The following FGF14 variants were observed in gnomAD, a reference collection of about 807,000 sequenced individuals.
The protein encoded by FGF14 is fibroblast growth factor 14, also known as fibroblast growth factor homologous factor 4.
In FGF14, 5 loss-of-function variants were observed where a neutral mutation model predicts 25.5. The observed-to-expected ratio is 0.20, with a 90% CI of 0.10 to 0.41. FGF14 has a LOEUF of 0.41. Among genes scored for constraint, FGF14 ranks in the 10% least tolerant of loss-of-function variants. The pLI is 1.00. For synonymous variants in FGF14, 138 were observed against 118.3 expected (o/e 1.17, Z -1.08); for missense variants, 222 against 320.1 (o/e 0.69, Z 2.34).
chr13:101,796,215 A>T (rs1389045734), intron 3 of FGF14, among the ~76,000 whole-genome samples: 2 of 152,094 alleles, frequency 1.3e-5, no homozygotes, highest in Non-Finnish European at 2.9e-5. Flanking sequence ...TATATACTAA[A>T]CCCATTACTA....
At chr13:102,315,409 C>T (rs2055973584) in intron 1 of FGF14, among the ~76,000 whole-genome samples, 1 of 152,132 alleles carries the variant, frequency 6.6e-6, no homozygotes, top group Non-Finnish European at 1.5e-5. Flanking sequence ...TTCTCTCAAC[C>T]CTCCCCTGTA....
At chr13:101,729,246 T>C (rs1246961158) in intron 3 of FGF14, among the ~76,000 whole-genome samples, 1 of 152,130 alleles carries the variant, frequency 6.6e-6, no homozygotes, top group Admixed American at 6.6e-5. Flanking sequence ...AAATAATTAA[T>C]GCACACACAA....
intron 1 of FGF14, among the ~76,000 whole-genome samples, chr13:101,890,549 C>A (rs895250369): frequency 6.6e-6 from 1 of 152,112 alleles, no homozygotes; most frequent in African/African-American, 2.4e-5. Flanking sequence ...CCTCAGATCT[C>A]GGCAAGAACA....
At chr13:101,990,458 T>C (rs2038837173) in intron 1 of FGF14, among the ~76,000 whole-genome samples, 1 of 152,180 alleles carries the variant, frequency 6.6e-6, no homozygotes, top group African/African-American at 2.4e-5. Flanking sequence ...TTATGTTTAC[T>C]CAACACTTTT....
chr13:102,263,595 T>G (rs2141127507), intron 1 of FGF14, among the ~76,000 whole-genome samples: 1 of 152,316 alleles, frequency 6.6e-6, no homozygotes, highest in Admixed American at 6.5e-5. Flanking sequence ...AATATCAGAA[T>G]TACTAATTTA....
chr13:102,351,423 T>C (rs1378946200), intron 1 of FGF14, among the ~76,000 whole-genome samples: 2 of 152,340 alleles, frequency 1.3e-5, no homozygotes, highest in East Asian at 1.9e-4. Flanking sequence ...TTAATAGTTT[T>C]TCATTGGAAA....
intron 1 of FGF14, among the ~76,000 whole-genome samples, chr13:101,970,541 G>A (rs1482722203): frequency 2.0e-5 from 3 of 152,138 alleles, no homozygotes; most frequent in Admixed American, 2.0e-4. Context: ...TAGAATCAAG[G>A]TTGCTTTGAC....
chr13:102,100,664 G>A (rs1244705731), intron 1 of FGF14, among the ~76,000 whole-genome samples: 1 of 152,228 alleles, frequency 6.6e-6, no homozygotes, highest in African/African-American at 2.4e-5. Context: ...GCCTCCTGTT[G>A]AGAGCAAGCT....
At chr13:101,778,898 A>G (rs2039313821) in intron 3 of FGF14, 1 of 152,142 alleles carries the variant, frequency 6.6e-6, no homozygotes, top group South Asian at 2.1e-4. Context: ...AGAGAGCATA[A>G]CACAGCCCCC....
chr13:101,899,346 A>T (rs573562129), intron 1 of FGF14, among the ~76,000 whole-genome samples: 1 of 152,190 alleles, frequency 6.6e-6, no homozygotes, highest in Non-Finnish European at 1.5e-5. Flanking sequence ...TATAGGAGTT[A>T]ACAGACACAG....
chr13:102,015,244 CTT>C (rs536731543), intron 1 of FGF14, among the ~76,000 whole-genome samples: 8 of 152,278 alleles, frequency 5.3e-5, no homozygotes, highest in African/African-American at 1.9e-4. Flanking sequence ...AGAATTTATA[CTT>C]TGTTTACATT....
intron 1 of FGF14, chr13:102,263,234 C>T (rs959198294): frequency 2.1e-5 from 9 of 436,002 alleles, no homozygotes; most frequent in South Asian, 9.1e-5. Flanking sequence ...GCACACACCA[C>T]GATGGCAGAG....
chr13:102,295,996 C>A (rs753196854), intron 1 of FGF14, among the ~76,000 whole-genome samples: 4 of 152,118 alleles, frequency 2.6e-5, no homozygotes, highest in Non-Finnish European at 5.9e-5. Context: ...TGACCTCAGT[C>A]GTGTTGCTCC....
chr13:102,321,391 T>C (rs933372917), intron 1 of FGF14, among the ~76,000 whole-genome samples: 1 of 152,112 alleles, frequency 6.6e-6, no homozygotes, highest in African/African-American at 2.4e-5. Context: ...AGAATCATAA[T>C]GCAAAAAATA....
chr13:102,265,675 A>C (rs756521849), intron 1 of FGF14, among the ~76,000 whole-genome samples: 2 of 152,174 alleles, frequency 1.3e-5, no homozygotes, highest in Non-Finnish European at 2.9e-5. Flanking sequence ...GACTGAGAAA[A>C]ATTTAATGAC....
At chr13:101,911,595 C>T (rs375013394) in intron 1 of FGF14, among the ~76,000 whole-genome samples, 2 of 151,968 alleles carry the variant, frequency 1.3e-5, no homozygotes, top group African/African-American at 2.4e-5. Flanking sequence ...ACAATGAATG[C>T]CTTTTTTGTC....
intron 1 of FGF14, among the ~76,000 whole-genome samples, chr13:101,979,475 G>C (rs1325575450): frequency 2.0e-5 from 3 of 152,110 alleles, no homozygotes; most frequent in African/African-American, 7.2e-5. Flanking sequence ...CTATTTTACA[G>C]AAGAGAAAAC....
chr13:101,990,129 T>C (rs2038816048), intron 1 of FGF14, among the ~76,000 whole-genome samples: 1 of 152,132 alleles, frequency 6.6e-6, no homozygotes, highest in South Asian at 2.1e-4. Context: ...ATTGAATCTC[T>C]GTTCACATTT....
chr13:101,891,158 A>G (rs1216059390), intron 1 of FGF14, among the ~76,000 whole-genome samples: 1 of 152,188 alleles, frequency 6.6e-6, no homozygotes, highest in Non-Finnish European at 1.5e-5. Context: ...ACCATAATAC[A>G]GAGAGGTGAG....
Sources: allele counts gnomAD v4.1 joint callset (sites outside exome capture counted in the v4.1 genomes callset), GRCh38; gene constraint gnomAD v4.1.1; transcripts MANE v1.5; gene names NCBI Gene and HGNC (gene_info 2026-07-23, HGNC 2026-07-21).